The following ROBO2 variants were observed in gnomAD, a reference collection of about 807,000 sequenced individuals.
ROBO2 encodes roundabout homolog 2.
ROBO2 carries 53 observed loss-of-function variants against 160.8 expected under a neutral mutation model. That is an observed-to-expected ratio of 0.33 (90% CI 0.26 to 0.41). The LOEUF is 0.41. Ranked by LOEUF, ROBO2 falls within the 10% of genes least tolerant of loss-of-function variation. The pLI, the probability that ROBO2 is intolerant of heterozygous loss-of-function variation, is 1.00. For synonymous variants in ROBO2, 664 were observed against 611.7 expected, an observed-to-expected ratio of 1.09 and a Z score of -1.26; for missense variants, 1,577 against 1,722.4, an observed-to-expected ratio of 0.92 and a Z score of 1.49.
At chr3:76,304,638 A>G (rs2071230192) in intron 2 of ROBO2, among the ~76,000 whole-genome samples, 1 of 152,168 alleles carries the variant, frequency 6.6e-6, no homozygotes, top group Non-Finnish European at 1.5e-5. Flanking sequence ...TGAGAAGGAA[A>G]GTAGTTAGAG....
intron 2 of ROBO2, among the ~76,000 whole-genome samples, chr3:77,346,816 T>C (rs1251801383): frequency 1.3e-5 from 2 of 152,146 alleles, no homozygotes; most frequent in African/African-American, 4.8e-5. Flanking sequence ...AACGATCAAG[T>C]CCTTTTCAAT....
At chr3:76,951,329 C>G (rs2078941889) in intron 2 of ROBO2, among the ~76,000 whole-genome samples, 1 of 152,216 alleles carries the variant, frequency 6.6e-6, no homozygotes, top group African/African-American at 2.4e-5. Context: ...GTTATAACAT[C>G]TTCTATCTAA....
At chr3:76,911,043 T>C (rs777775237) in intron 2 of ROBO2, among the ~76,000 whole-genome samples, 7 of 152,192 alleles carry the variant, frequency 4.6e-5, no homozygotes, top group Non-Finnish European at 8.8e-5. Context: ...GGTTCTATAA[T>C]CTACCATCTG....
chr3:76,327,559 A>G (rs2073127240), intron 2 of ROBO2, among the ~76,000 whole-genome samples: 1 of 152,220 alleles, frequency 6.6e-6, no homozygotes, highest in Admixed American at 6.5e-5. Flanking sequence ...GTATTTAATA[A>G]GAATCTTTCG....
intron 2 of ROBO2, among the ~76,000 whole-genome samples, chr3:76,657,698 A>G (rs1406558380): frequency 7.0e-6 from 1 of 143,090 alleles, no homozygotes; most frequent in Admixed American, 7.0e-5. Flanking sequence ...GTGTATATAT[A>G]TTCATATATG....
chr3:76,794,015 G>A (rs559547657), intron 2 of ROBO2, among the ~76,000 whole-genome samples: 3 of 151,786 alleles, frequency 2.0e-5, no homozygotes, highest in South Asian at 4.2e-4. Context: ...TCCTCTCTTG[G>A]GGTTCCACCT....
At chr3:76,049,403 A>ATATATATATATTTTTTTTTTTTTTTTTT (rs1414664360) in intron 2 of ROBO2, among the ~76,000 whole-genome samples, 2 of 53,762 alleles carry the variant, frequency 3.7e-5, no homozygotes. Context: ...ATATATATAT[A>ATATATATATATTTTTTTTTTTTTTTTTT]TTTTTTTTTT....
chr3:76,779,065 T>C (rs556007218), intron 2 of ROBO2, among the ~76,000 whole-genome samples: 2 of 151,148 alleles, frequency 1.3e-5, no homozygotes, highest in African/African-American at 4.8e-5. Flanking sequence ...CTACCTCTCA[T>C]CCAGGCTGAA....
chr3:76,164,654 G>T (rs1409076732), intron 2 of ROBO2, among the ~76,000 whole-genome samples: 1 of 152,164 alleles, frequency 6.6e-6, no homozygotes, highest in Non-Finnish European at 1.5e-5. Context: ...AATGTCTCAA[G>T]AGTGGGGTTA....
chr3:77,092,853 A>T (rs2070492384), intron 1 of ROBO2, among the ~76,000 whole-genome samples: 1 of 150,874 alleles, frequency 6.6e-6, no homozygotes, highest in Non-Finnish European at 1.5e-5. Context: ...TGTCAAACTA[A>T]TTTTCATTTG....
At chr3:76,423,555 G>A (rs1005535324) in intron 2 of ROBO2, among the ~76,000 whole-genome samples, 1 of 152,158 alleles carries the variant, frequency 6.6e-6, no homozygotes, top group African/African-American at 2.4e-5. Flanking sequence ...AACCCATCAG[G>A]TTAGAAAATA....
intron 2 of ROBO2, among the ~76,000 whole-genome samples, chr3:76,928,008 T>C (rs2077091305): frequency 6.6e-6 from 1 of 152,192 alleles, no homozygotes; most frequent in South Asian, 2.1e-4. Flanking sequence ...CCCTAAGATA[T>C]TCATGTTCTA....
At chr3:76,519,997 C>A (rs2081521316) in intron 2 of ROBO2, among the ~76,000 whole-genome samples, 1 of 152,082 alleles carries the variant, frequency 6.6e-6, no homozygotes, top group African/African-American at 2.4e-5. Flanking sequence ...ACATAGGGAC[C>A]CCTTATTATC....
At chr3:76,649,115 T>G (rs1220009560) in intron 2 of ROBO2, among the ~76,000 whole-genome samples, 1 of 152,142 alleles carries the variant, frequency 6.6e-6, no homozygotes, top group African/African-American at 2.4e-5. Flanking sequence ...AGAGGTGGTT[T>G]TTTTAATCAG....
chr3:77,532,808 TC>T (rs144646923), intron 6 of ROBO2, among the ~76,000 whole-genome samples: 16,480 of 151,942 alleles, frequency 0.11, 1,159 homozygotes, highest in South Asian at 0.2. Flanking sequence ...AACCCTTTTT[TC>T]GTTTTTAAAA....
intron 2 of ROBO2, among the ~76,000 whole-genome samples, chr3:76,695,359 G>T (rs2092905196): frequency 6.6e-6 from 1 of 151,950 alleles, no homozygotes; most frequent in Admixed American, 6.6e-5. Flanking sequence ...AAAATTGTTT[G>T]TTTCTTAGTA....
At chr3:76,477,304 A>C (rs926592394) in intron 2 of ROBO2, among the ~76,000 whole-genome samples, 1 of 152,042 alleles carries the variant, frequency 6.6e-6, no homozygotes. Flanking sequence ...TTTCTCGCCA[A>C]TCTGTCACTT....
intron 2 of ROBO2, among the ~76,000 whole-genome samples, chr3:76,394,634 G>A (rs536885795): frequency 1.9e-3 from 283 of 151,936 alleles, no homozygotes; most frequent in Non-Finnish European, 2.7e-3. Context: ...TCTTTGTGGC[G>A]TTCTCTGTAT....
At chr3:77,200,386 T>C (rs903523108) in intron 2 of ROBO2, among the ~76,000 whole-genome samples, 3 of 144,544 alleles carry the variant, frequency 2.1e-5, no homozygotes, top group Non-Finnish European at 4.5e-5. Context: ...ATCTGGTTAC[T>C]TTTGGTAGGT....
Sources: allele counts gnomAD v4.1 joint callset (sites outside exome capture counted in the v4.1 genomes callset), GRCh38; gene constraint gnomAD v4.1.1; transcripts MANE v1.5; gene names NCBI Gene and HGNC (gene_info 2026-07-23, HGNC 2026-07-21).